NR3C2: variants seen among roughly 807,000 people sequenced by gnomAD.
NR3C2 encodes the protein mineralocorticoid receptor.
In NR3C2, 15 loss-of-function variants were observed where a neutral mutation model predicts 86.4. The observed-to-expected ratio is 0.17, with a 90% confidence interval of 0.12 to 0.27. The LOEUF is 0.27. Ranked by LOEUF, NR3C2 falls within the 10% of genes least tolerant of loss-of-function variation. The pLI is 1.00. For synonymous variants in NR3C2, 458 were observed against 450.5 expected (o/e 1.02, Z -0.21); for missense variants, 960 against 1,195.6 (o/e 0.80, Z 2.91).
chr4:148,337,034 A>G (rs1418165507), intron 2 of NR3C2, among the ~76,000 whole-genome samples: 1 of 152,164 alleles, frequency 6.6e-6, no homozygotes, highest in East Asian at 1.9e-4. Context: ...GGCTCAAGTG[A>G]TCCTCCCACT....
intron 2 of NR3C2, among the ~76,000 whole-genome samples, chr4:148,385,016 G>A (rs1487695787): frequency 1.3e-5 from 2 of 152,148 alleles, no homozygotes; most frequent in African/African-American, 4.8e-5. Context: ...TTGTCCAAAT[G>A]GATAATTGCT....
chr4:148,435,531 T>C lies in NR3C2; in HGVS notation c.1330A>G (p.Asn444Asp). Residue 444 changes from asparagine to aspartate, a missense_variant, in exon 2 of 9, where the codon AAT becomes GAT. By Grantham distance (23) the Asn-to-Asp change is conservative (BLOSUM62 1). This residue lies in a region of NR3C2 where 680 missense variants were observed against 719.0 expected (regional missense o/e 0.95). Coordinates refer to ENST00000358102, the MANE Select transcript of NR3C2 (RefSeq NM_000901.5). ...HSCSGTSFKG[N>D]PTVNPFPFMD... is the part of the protein sequence containing the mutation. ...AATGGAAACGGGTTTACTGTTGGAT[T>C]CCCTTTAAAAGAGGTGCCTGAACAT... The C allele has an allele frequency of 6.2e-7, 1 of 1,614,166 alleles. No individual in the cohort carries two copies. The highest frequency in any genetic ancestry group is 8.5e-7 in the Non-Finnish European group (1 of 1,180,030).
chr4:148,104,200 C>G (rs1731671371), intron 8 of NR3C2, among the ~76,000 whole-genome samples: 1 of 152,124 alleles, frequency 6.6e-6, no homozygotes, highest in Non-Finnish European at 1.5e-5. Context: ...TAATGTAAGC[C>G]CTTAGCAATT....
At chr4:148,384,861 G>T (rs1457410273) in intron 2 of NR3C2, among the ~76,000 whole-genome samples, 2 of 152,204 alleles carry the variant, frequency 1.3e-5, no homozygotes, top group Non-Finnish European at 2.9e-5. Context: ...TGTAGTAGCT[G>T]CAAAGGAAGA....
intron 2 of NR3C2, among the ~76,000 whole-genome samples, chr4:148,275,343 C>T (rs1000284984): frequency 4.6e-5 from 7 of 151,958 alleles, no homozygotes; most frequent in Non-Finnish European, 8.8e-5. Flanking sequence ...AAAGGGCTTA[C>T]TTTTATTTCC....
At chr4:148,398,013 T>G (rs1747948501) in intron 2 of NR3C2, among the ~76,000 whole-genome samples, 1 of 152,130 alleles carries the variant, frequency 6.6e-6, no homozygotes, top group Non-Finnish European at 1.5e-5. Context: ...GCTCCTCCCA[T>G]TCCTTGGCTT....
chr4:148,342,274 A>C (rs1013157445), intron 2 of NR3C2, among the ~76,000 whole-genome samples: 29 of 150,954 alleles, frequency 1.9e-4, no homozygotes, highest in Admixed American at 1.9e-3. Flanking sequence ...TAAATAACAT[A>C]ACACACACAC....
intron 8 of NR3C2, among the ~76,000 whole-genome samples, chr4:148,107,373 T>C (rs563028958): frequency 2.6e-5 from 4 of 152,274 alleles, no homozygotes; most frequent in Admixed American, 1.3e-4. Flanking sequence ...TGTGGAGAAA[T>C]AGGAATGCTT....
chr4:148,104,771 T>C (rs1229436655), intron 8 of NR3C2, among the ~76,000 whole-genome samples: 2 of 152,228 alleles, frequency 1.3e-5, no homozygotes, highest in Non-Finnish European at 1.5e-5. Flanking sequence ...AAGATGGGTA[T>C]TATTACTGCC....
At chr4:148,363,573 A>C (rs1336692546) in intron 2 of NR3C2, among the ~76,000 whole-genome samples, 8 of 132,120 alleles carry the variant, frequency 6.1e-5, no homozygotes, top group African/African-American at 2.3e-4. Flanking sequence ...GCGCTATCTC[A>C]GCTCACTGCA....
chr4:148,305,985 T>C (rs1280466112), intron 2 of NR3C2, among the ~76,000 whole-genome samples: 2 of 152,206 alleles, frequency 1.3e-5, no homozygotes, highest in Non-Finnish European at 2.9e-5. Flanking sequence ...GACAGACTCA[T>C]GGGGAGGACA....
At position 148,372,650 on chromosome 4, in the gene NR3C2, G is replaced by A. The variant is rs576303904; in HGVS notation, c.1757+62454C>T. 5.8e-4 allele frequency among the ~76,000 whole-genome samples: 89 copies of A among 152,224 alleles called. 2 individuals are homozygous for A. In the South Asian group the frequency reaches 0.012, roughly 20 times the overall value. On this transcript the variant is annotated intron_variant, in intron 2 of 8. Coordinates refer to ENST00000358102, the MANE Select transcript of NR3C2 (RefSeq NM_000901.5). Reference sequence around the variant, plus strand: ...ATAAAAAGTGGCTTGTTTCCAAATGGAAGGCACATAAAAGGAAAAACCTGA... The same window carrying A: ...ATAAAAAGTGGCTTGTTTCCAAATGAAAGGCACATAAAAGGAAAAACCTGA...
intron 2 of NR3C2, among the ~76,000 whole-genome samples, chr4:148,408,089 C>G (rs1748509444): frequency 6.6e-6 from 1 of 152,116 alleles, no homozygotes; most frequent in South Asian, 2.1e-4. Context: ...CAGGAGGCAA[C>G]CCAACATGTG....
intron 3 of NR3C2, among the ~76,000 whole-genome samples, chr4:148,240,776 A>C (rs923698191): frequency 5.3e-5 from 8 of 152,300 alleles, no homozygotes; most frequent in Non-Finnish European, 8.8e-5. Flanking sequence ...GGAACAAAGG[A>C]ACACATCTGC....
intron 8 of NR3C2, among the ~76,000 whole-genome samples, chr4:148,086,505 T>C (rs1730819769): frequency 6.6e-6 from 1 of 152,098 alleles, no homozygotes; most frequent in Non-Finnish European, 1.5e-5. Flanking sequence ...GAGGCTGAGG[T>C]GGGCGGATCA....
intron 2 of NR3C2, among the ~76,000 whole-genome samples, chr4:148,386,673 C>G (rs974933855): frequency 1.3e-5 from 2 of 152,156 alleles, no homozygotes; most frequent in Non-Finnish European, 2.9e-5. Flanking sequence ...GGTCAGGCCC[C>G]GCGGTCGCCT....
chr4:148,141,348 C>G (rs1160747028), intron 6 of NR3C2, among the ~76,000 whole-genome samples: 1 of 151,906 alleles, frequency 6.6e-6, no homozygotes, highest in Non-Finnish European at 1.5e-5. Flanking sequence ...GCAGGAGAAT[C>G]ACTTGAACCC....
chr4:148,086,641 C>T (rs1194716218), intron 8 of NR3C2, among the ~76,000 whole-genome samples: 1 of 152,146 alleles, frequency 6.6e-6, no homozygotes, highest in African/African-American at 2.4e-5. Context: ...ACTCAGGAGG[C>T]AGAGGCAGGA....
At chr4:148,097,078 A>G (rs1269328780) in intron 8 of NR3C2, among the ~76,000 whole-genome samples, 3 of 152,244 alleles carry the variant, frequency 2.0e-5, no homozygotes, top group Non-Finnish European at 4.4e-5. Flanking sequence ...GGTGGTACTT[A>G]GATCTGGCTT....
Sources: gnomAD v4.1 joint callset for allele counts (sites outside exome capture counted in the v4.1 genomes callset) on GRCh38, gnomAD v4.1.1 for gene constraint, gnomAD v4.1.1 regional missense constraint, MANE v1.5 for transcripts, NCBI Gene and HGNC (gene_info 2026-07-23, HGNC 2026-07-21) for gene names.